The following NPR3 variants were observed in gnomAD, a reference collection of about 807,000 sequenced individuals.
NPR3 encodes natriuretic peptide receptor 3, also known as atrial natriuretic peptide receptor 3.
In NPR3, 34 loss-of-function variants were observed where a neutral mutation model predicts 54.5. That is an observed-to-expected ratio of 0.62 (90% CI 0.47 to 0.83). The LOEUF is 0.83. NPR3 is among the 40% of genes least tolerant of loss of function. The pLI, the probability that NPR3 is intolerant of heterozygous loss-of-function variation, is 0.00. For missense variants in NPR3, 674 were observed against 720.8 expected (o/e 0.94, Z 0.74); for synonymous variants, 289 against 297.1 (o/e 0.97, Z 0.28).
At position 32,786,541 on chromosome 5, in the gene NPR3, GACAA is replaced by G; in HGVS notation, c.*202_*205del. 1.8e-6 allele frequency: 1 copy of G among 570,006 alleles called. No individual in the cohort carries two copies. 35.3% of individuals were successfully genotyped at this position (570,006 alleles called of 1,614,324 possible). A position where few individuals can be genotyped will look rare whatever the true frequency, so the allele number is the denominator to read the frequency against. On this transcript the variant is annotated 3_prime_UTR_variant, in exon 8 of 8. Coordinates refer to ENST00000265074, the MANE Select transcript of NPR3 (RefSeq NM_001204375.2). ...TCTGCCTCCAGGCCTTTCATCTCAT[GACAA>G]ACAAATATAATAATGATATCGTGTC...
At chr5:32,701,283 C>T (rs548917945) in intron 1 of NPR3, among the ~76,000 whole-genome samples, 1 of 152,296 alleles carries the variant, frequency 6.6e-6, no homozygotes, top group Admixed American at 6.5e-5. Context: ...ATCACTTCTG[C>T]TGTTAAGAGA....
intron 1 of NPR3, among the ~76,000 whole-genome samples, chr5:32,701,818 T>A (rs1737809771): frequency 6.6e-6 from 1 of 152,120 alleles, no homozygotes; most frequent in Admixed American, 6.6e-5. Flanking sequence ...CACGAAAGAG[T>A]ACTCTGGATT....
At chr5:32,759,601 T>G (rs569118293) in intron 3 of NPR3, among the ~76,000 whole-genome samples, 16 of 152,372 alleles carry the variant, frequency 1.1e-4, no homozygotes, top group African/African-American at 3.6e-4. Flanking sequence ...TCAGCCCATT[T>G]ACATTTAAAG....
chr5:32,766,386 A>G (rs1741475726), intron 3 of NPR3, among the ~76,000 whole-genome samples: 1 of 152,146 alleles, frequency 6.6e-6, no homozygotes, highest in Non-Finnish European at 1.5e-5. Flanking sequence ...CAACCTCAAT[A>G]GTGGTGGAGG....
At chr5:32,715,218 A>C (rs947088202) in intron 1 of NPR3, among the ~76,000 whole-genome samples, 7 of 152,232 alleles carry the variant, frequency 4.6e-5, no homozygotes, top group African/African-American at 1.7e-4. Context: ...AGGCCTCTTC[A>C]AACTGATATT....
chr5:32,769,249 T>G (rs905724908), intron 3 of NPR3, among the ~76,000 whole-genome samples: 1 of 152,234 alleles, frequency 6.6e-6, no homozygotes, highest in African/African-American at 2.4e-5. Context: ...ATTCTATTTT[T>G]AAAGTCTAGG....
In NPR3 at chr5:32,789,726, G is replaced by T; in HGVS notation, c.*3381G>T. ...TATGGCTGATTTTGGGTGTGTGTGT[G>T]TAAGACATGCAGTCAACAATGAGAT... On this transcript the variant is annotated 3_prime_UTR_variant, in exon 8 of 8. Transcript: ENST00000265074. 4 of 534,486 alleles carry T rather than the reference G, an allele frequency of 7.5e-6. No individual in the cohort carries two copies. Among genetic ancestry groups the T allele is most frequent in the South Asian group, 5.6e-5 (4 of 71,554 alleles). 33.1% of individuals were successfully genotyped at this position (534,486 alleles called of 1,614,324 possible). A position where few individuals can be genotyped will look rare whatever the true frequency, so the allele number is the denominator to read the frequency against.
At chr5:32,691,291 G>A (rs972715145) in intron 1 of NPR3, among the ~76,000 whole-genome samples, 1 of 152,232 alleles carries the variant, frequency 6.6e-6, no homozygotes. Flanking sequence ...GACATTAAGC[G>A]AGTACTTGTT....
Position 32,765,830 on chromosome 5 carries a change from A to G in NPR3, c.1060-8878A>G, listed in dbSNP as rs529477520. On this transcript the variant is annotated intron_variant, in intron 3 of 7. Transcript: ENST00000265074. ...GGGAATCAAACGGAATCTATAAATA[A>G]AGGCACTATTTACAAAGCTATGTTT... Among the ~76,000 whole-genome samples, 116 of 152,320 alleles carry G rather than the reference A, an allele frequency of 7.6e-4. 1 individual carries two copies. Among genetic ancestry groups the G allele is most frequent in the African/African-American group, 2.7e-3 (114 of 41,568 alleles).
intron 2 of NPR3, among the ~76,000 whole-genome samples, chr5:32,733,452 T>C (rs918420387): frequency 5.3e-5 from 8 of 152,330 alleles, no homozygotes; most frequent in African/African-American, 1.9e-4. Context: ...CATTACCTAC[T>C]TAGAAGGTGA....
At chr5:32,736,489 C>A (rs527427080) in intron 2 of NPR3, among the ~76,000 whole-genome samples, 4 of 152,166 alleles carry the variant, frequency 2.6e-5, no homozygotes, top group Non-Finnish European at 5.9e-5. Flanking sequence ...GAAACTCACA[C>A]CCTCTTTGCC....
At chr5:32,773,776 G>A (rs1369205493) in intron 3 of NPR3, among the ~76,000 whole-genome samples, 1 of 152,182 alleles carries the variant, frequency 6.6e-6, no homozygotes, top group African/African-American at 2.4e-5. Flanking sequence ...TATCATGATA[G>A]CATTGGCTTC....
In NPR3 at chr5:32,711,851, T is replaced by TGGCGGTGGCGTTGGCGGC; in HGVS notation, c.81_98dup (p.Val29_Gly34dup). The TGGCGGTGGCGTTGGCGGC allele has an allele frequency of 1.4e-6, 2 of 1,462,002 alleles. No individual in the cohort carries two copies. Among genetic ancestry groups the TGGCGGTGGCGTTGGCGGC allele is most frequent in the Non-Finnish European group, 1.8e-6 (2 of 1,109,204 alleles). The allele number at this position is 1,462,002 out of a possible 1,614,324, so 90.6% of individuals were successfully genotyped here. A position where few individuals can be genotyped will look rare whatever the true frequency, so the allele number is the denominator to read the frequency against. On this transcript the variant is annotated inframe_insertion, in exon 1 of 8. Coordinates refer to ENST00000265074, the MANE Select transcript of NPR3 (RefSeq NM_001204375.2). ...GGGCGTTGCTGGCCGGCGGCACCGG[T>TGGCGGTGGCGTTGGCGGC]GGCGGTGGCGTTGGCGGCGGCGGCG...
At chr5:32,690,989 T>C (rs1740375476) in intron 1 of NPR3, among the ~76,000 whole-genome samples, 1 of 152,232 alleles carries the variant, frequency 6.6e-6, no homozygotes, top group Non-Finnish European at 1.5e-5. Context: ...GATGAGCAGA[T>C]ATTTTAATTC....
intron 3 of NPR3, among the ~76,000 whole-genome samples, chr5:32,746,012 T>G (rs1371062586): frequency 1.3e-5 from 2 of 152,176 alleles, no homozygotes; most frequent in Admixed American, 6.5e-5. Context: ...AGCTGCATTC[T>G]TATGCCAGCA....
chr5:32,712,843 T>C (rs544634323), intron 1 of NPR3, among the ~76,000 whole-genome samples: 1 of 152,180 alleles, frequency 6.6e-6, no homozygotes, highest in African/African-American at 2.4e-5. Flanking sequence ...CTTCCCAGTT[T>C]CCACTTTGCC....
intron 1 of NPR3, among the ~76,000 whole-genome samples, chr5:32,703,370 T>A (rs1400549897): frequency 3.3e-5 from 5 of 150,910 alleles, no homozygotes; most frequent in African/African-American, 1.2e-4. Flanking sequence ...CACTTAAGCT[T>A]TGAGACAAAG....
intron 1 of NPR3, among the ~76,000 whole-genome samples, chr5:32,698,142 C>T (rs1740578502): frequency 6.6e-6 from 1 of 151,966 alleles, no homozygotes; most frequent in African/African-American, 2.4e-5. Context: ...AGACTTTCCT[C>T]TTAGTACTGC....
rs553563676 is a variant in NPR3 at position 32,761,725 on chromosome 5, T to C, written c.1060-12983T>C. Among the ~76,000 whole-genome samples, 9 of 147,958 alleles carry C rather than the reference T, an allele frequency of 6.1e-5. No individual in the cohort carries two copies. In the Admixed American group the frequency reaches 6.2e-4, roughly 10 times the overall value. ...CATATGGTAACTCTCTTTGGCTATC[T>C]TTTTACTTTTATTTTTATTTTATTT... On this transcript the variant is annotated intron_variant, in intron 3 of 7. Transcript: ENST00000265074.
Sources: allele counts gnomAD v4.1 joint callset (sites outside exome capture counted in the v4.1 genomes callset), GRCh38; gene constraint gnomAD v4.1.1; transcripts MANE v1.5; gene names NCBI Gene and HGNC (gene_info 2026-07-23, HGNC 2026-07-21).